Variants in PRKCA observed in about 807,000 individuals in gnomAD.
The protein encoded by PRKCA is protein kinase C alpha type.
In PRKCA, 27 loss-of-function variants were observed where a neutral mutation model predicts 87.0. The ratio of observed to expected loss-of-function variants is 0.31; its 90% confidence interval spans 0.23 to 0.43. The LOEUF (loss-of-function observed/expected upper bound fraction) is 0.43. Among genes scored for constraint, PRKCA ranks in the 20% least tolerant of loss-of-function variants. The probability of loss-of-function intolerance (pLI) is 1.00; values close to 1 mark genes in which losing one functional copy is unlikely to be tolerated. For synonymous variants in PRKCA, 329 were observed against 311.1 expected, an observed-to-expected ratio of 1.06 and a Z score of -0.61; for missense variants, 518 against 852.3, an observed-to-expected ratio of 0.61 and a Z score of 4.88.
chr17:66,453,465 C>T (rs1199836944), intron 2 of PRKCA, among the ~76,000 whole-genome samples: 2 of 151,988 alleles, frequency 1.3e-5, no homozygotes, highest in Admixed American at 6.6e-5. Flanking sequence ...TTACAGGCGC[C>T]CGCCACCATG....
rs1311844710 is a variant in PRKCA at position 66,451,106 on chromosome 17, C to T, written c.206-45095C>T. On this transcript the variant is annotated intron_variant, in intron 2 of 16. Transcript: ENST00000413366. Reference sequence around the variant, plus strand: ...CTGTGGATCTCTGTTCTCTCTTTGACTCTATTAACCAAGTAATATCTTAAT... The same window carrying T: ...CTGTGGATCTCTGTTCTCTCTTTGATTCTATTAACCAAGTAATATCTTAAT... Among the ~76,000 whole-genome samples the T allele has an allele frequency of 1.3e-5, 2 of 152,270 alleles. 1 individual carries two copies. Among genetic ancestry groups the T allele is most frequent in the Admixed American group, 1.3e-4 (2 of 15,294 alleles).
rs11379801 is a variant in PRKCA, at chr17:66,383,399, AT to A, written c.205+77283del. On this transcript the variant is annotated intron_variant, in intron 2 of 16. Coordinates refer to ENST00000413366, the MANE Select transcript of PRKCA (RefSeq NM_002737.3). ...GCATAAAGTTACTGGGGAAAAGCCT[AT>A]TTTTTTTTTTGGCTAAGTCAATGGG... Among the ~76,000 whole-genome samples the A allele has an allele frequency of 5.6e-3, 830 of 147,064 alleles. 9 individuals are homozygous for A. The highest frequency in any genetic ancestry group is 0.018 in the African/African-American group (716 of 40,334).
At chr17:66,443,153 T>C (rs776056080) in intron 2 of PRKCA, among the ~76,000 whole-genome samples, 1 of 152,218 alleles carries the variant, frequency 6.6e-6, no homozygotes, top group Non-Finnish European at 1.5e-5. Flanking sequence ...TTGCTGCAAG[T>C]GGTCCATGAG....
chr17:66,479,181 A>AC (rs1374511723), intron 2 of PRKCA, among the ~76,000 whole-genome samples: 1 of 152,080 alleles, frequency 6.6e-6, no homozygotes, highest in Non-Finnish European at 1.5e-5. Context: ...GAAAAAAACA[A>AC]CCCCCCAAAA....
chr17:66,545,971 G>C (rs1338884715), intron 3 of PRKCA, among the ~76,000 whole-genome samples: 2 of 152,156 alleles, frequency 1.3e-5, no homozygotes, highest in East Asian at 3.8e-4. Context: ...GGCCAGTCTA[G>C]CTTTCTTTTA....
At chr17:66,605,808 G>A (rs577708755) in intron 3 of PRKCA, among the ~76,000 whole-genome samples, 9 of 152,284 alleles carry the variant, frequency 5.9e-5, no homozygotes, top group East Asian at 1.9e-4. Context: ...ATCCTGCTCC[G>A]TAAAAGAAGC....
chr17:66,704,703 G>A (rs1003288467), intron 8 of PRKCA, among the ~76,000 whole-genome samples: 1 of 152,164 alleles, frequency 6.6e-6, no homozygotes, highest in East Asian at 1.9e-4. Flanking sequence ...AAAATCAAAT[G>A]TGTATCTGTT....
chr17:66,781,794 C>T (rs1380967109), intron 14 of PRKCA, among the ~76,000 whole-genome samples: 1 of 150,090 alleles, frequency 6.7e-6, no homozygotes, highest in African/African-American at 2.5e-5. Context: ...GAAACATGAA[C>T]GTACTTAATG....
At chr17:66,382,699 G>A (rs189406027) in intron 2 of PRKCA, among the ~76,000 whole-genome samples, 4 of 152,224 alleles carry the variant, frequency 2.6e-5, no homozygotes, top group Admixed American at 2.6e-4. Context: ...CTCAATCAGG[G>A]ATGATTTTGC....
At chr17:66,722,413 C>T (rs180937480) in intron 8 of PRKCA, among the ~76,000 whole-genome samples, 69 of 152,306 alleles carry the variant, frequency 4.5e-4, no homozygotes, top group Middle Eastern at 3.4e-3. Flanking sequence ...TAATAGGGAG[C>T]TGAATGTGGA....
intron 3 of PRKCA, among the ~76,000 whole-genome samples, chr17:66,623,465 C>A (rs1397734453): frequency 3.9e-5 from 6 of 152,156 alleles, no homozygotes; most frequent in Non-Finnish European, 2.9e-5. Flanking sequence ...CTTCAGCAAA[C>A]ATGTATTGAG....
intron 2 of PRKCA, chr17:66,403,915 A>AGG (rs1194300934): frequency 6.6e-6 from 1 of 152,198 alleles, no homozygotes. Flanking sequence ...TATTTTATTT[A>AGG]TTGTTCAGGT....
chr17:66,379,231 G>A (rs1909650695), intron 2 of PRKCA, among the ~76,000 whole-genome samples: 1 of 152,182 alleles, frequency 6.6e-6, no homozygotes, highest in African/African-American at 2.4e-5. Context: ...GAATTGCCAA[G>A]CTGTTTTCCA....
At position 66,482,752 on chromosome 17, in the gene PRKCA, T is replaced by G. The variant is rs570388612; in HGVS notation, c.206-13449T>G. 1.1e-4 allele frequency among the ~76,000 whole-genome samples: 17 copies of G among 152,354 alleles called. No individual in the cohort carries two copies. In the East Asian group the frequency reaches 2.5e-3, roughly 22 times the overall value. ...CAAAGGCAATGATTTTAAATTGGAC[T>G]TTGGATTAAAGTAATATATTTAACC... is the stretch of plus-strand genomic sequence containing the variant. On this transcript the variant is annotated intron_variant, in intron 2 of 16. Transcript: ENST00000413366.
At chr17:66,441,631 G>T (rs888808915) in intron 2 of PRKCA, among the ~76,000 whole-genome samples, 17 of 152,196 alleles carry the variant, frequency 1.1e-4, no homozygotes, top group African/African-American at 4.1e-4. Flanking sequence ...CACCTCCTCT[G>T]AGTGGAAGTC....
intron 2 of PRKCA, among the ~76,000 whole-genome samples, chr17:66,404,690 T>A (rs4417581): frequency 6.7e-6 from 1 of 148,470 alleles, no homozygotes; most frequent in African/African-American, 2.5e-5. Context: ...CCTTGGCTCC[T>A]CAGTCTCTGT....
chr17:66,345,237 T>C (rs1907287923), intron 2 of PRKCA, among the ~76,000 whole-genome samples: 1 of 152,216 alleles, frequency 6.6e-6, no homozygotes, highest in Admixed American at 6.5e-5. Flanking sequence ...TTACCACCAT[T>C]ACTTCCTACA....
Position 66,338,809 on chromosome 17 carries a change from G to A in PRKCA, c.205+32682G>A, listed in dbSNP as rs73992437. 9.5e-3 allele frequency among the ~76,000 whole-genome samples: 1,452 copies of A among 152,274 alleles called. 22 individuals carry two copies. The highest frequency in any genetic ancestry group is 0.033 in the African/African-American group (1,387 of 41,546). ...TTCCTGGCAGGAGTTTCATACAGCG[G>A]TGTCTCAGACACTGACCAAATCTGT... On this transcript the variant is annotated intron_variant, in intron 2 of 16. Coordinates refer to ENST00000413366, the MANE Select transcript of PRKCA (RefSeq NM_002737.3).
intron 3 of PRKCA, among the ~76,000 whole-genome samples, chr17:66,538,492 ACC>A (rs113636871): frequency 0.036 from 5,507 of 152,194 alleles, 246 homozygotes; most frequent in African/African-American, 0.1. Flanking sequence ...CCCATTGGGA[ACC>A]CTAGGCCAGC....
Sources: allele counts gnomAD v4.1 joint callset (sites outside exome capture counted in the v4.1 genomes callset), GRCh38; gene constraint gnomAD v4.1.1; transcripts MANE v1.5; gene names NCBI Gene and HGNC (gene_info 2026-07-23, HGNC 2026-07-21).